The following CNBD1 variants were observed in gnomAD, a reference collection of about 807,000 sequenced individuals.
CNBD1 encodes cyclic nucleotide-binding domain-containing protein 1.
CNBD1 carries 71 observed loss-of-function variants against 54.4 expected under a neutral mutation model. The observed-to-expected ratio is 1.30, with a 90% CI of 1.08 to 1.59. The LOEUF (loss-of-function observed/expected upper bound fraction) is 1.59, where lower values mean the gene tolerates loss of function less well. Ranked by LOEUF, CNBD1 falls within the 40% of genes most tolerant of loss-of-function variation. The pLI is 0.00. For missense variants in CNBD1, 659 were observed against 518.0 expected, an observed-to-expected ratio of 1.27 and a Z score of -2.64; for synonymous variants, 182 against 170.7, an observed-to-expected ratio of 1.07 and a Z score of -0.51.
chr8:87,026,830 A>T (rs1418707860), intron 4 of CNBD1, among the ~76,000 whole-genome samples: 2 of 152,186 alleles, frequency 1.3e-5, no homozygotes, highest in Non-Finnish European at 2.9e-5. Flanking sequence ...AAACAACATT[A>T]AATTAGTCTC....
chr8:87,381,497 C>A (rs1396156989), intron 10 of CNBD1, among the ~76,000 whole-genome samples: 1 of 151,810 alleles, frequency 6.6e-6, no homozygotes. Flanking sequence ...AACAGTAGAC[C>A]ATATGATCTA....
At chr8:87,126,497 G>A (rs1811992368) in intron 4 of CNBD1, among the ~76,000 whole-genome samples, 1 of 151,784 alleles carries the variant, frequency 6.6e-6, no homozygotes, top group Non-Finnish European at 1.5e-5. Context: ...TTTTTAAACT[G>A]TTTTTTAAAT....
intron 4 of CNBD1, among the ~76,000 whole-genome samples, chr8:87,086,706 G>A (rs1345817482): frequency 6.6e-6 from 1 of 151,974 alleles, no homozygotes. Flanking sequence ...TTTAAATTAT[G>A]TGATTATTTA....
chr8:86,912,033 A>G (rs953582152), intron 3 of CNBD1, among the ~76,000 whole-genome samples: 19 of 152,160 alleles, frequency 1.2e-4, no homozygotes, highest in Admixed American at 2.0e-4. Context: ...TTAAAATGTC[A>G]GTATTACGCA....
intron 4 of CNBD1, among the ~76,000 whole-genome samples, chr8:87,089,192 G>GA (rs1308220860): frequency 6.6e-6 from 1 of 151,968 alleles, no homozygotes; most frequent in Non-Finnish European, 1.5e-5. Flanking sequence ...ATTAGAGATT[G>GA]AAAAAAGGGT....
chr8:87,317,589 T>G (rs1038950990), intron 8 of CNBD1, among the ~76,000 whole-genome samples: 1 of 151,934 alleles, frequency 6.6e-6, no homozygotes, highest in African/African-American at 2.4e-5. Context: ...TGAACTTAAT[T>G]CCATTTTGGC....
In CNBD1 at chr8:87,327,979, A is replaced by T. The variant is rs116800069; in HGVS notation, c.1043-23706A>T. Among the ~76,000 whole-genome samples, 958 of 150,524 alleles carry T rather than the reference A, an allele frequency of 6.4e-3. 9 individuals carry two copies. Among genetic ancestry groups the T allele is most frequent in the African/African-American group, 0.022 (897 of 40,986 alleles). On this transcript the variant is annotated intron_variant, in intron 8 of 10. Transcript: ENST00000518476. ...GTTGATATCCAGTTTTTCTTTTTTTAAAAGTTTAGTTTAATTTCTGGGATA... is the reference window on the plus strand; with the variant it reads ...GTTGATATCCAGTTTTTCTTTTTTTTAAAGTTTAGTTTAATTTCTGGGATA...
At chr8:87,168,852 C>A (rs1247078519) in intron 4 of CNBD1, among the ~76,000 whole-genome samples, 1 of 151,962 alleles carries the variant, frequency 6.6e-6, no homozygotes, top group Non-Finnish European at 1.5e-5. Context: ...TCAGTTGCTC[C>A]CTAATCTTGG....
intron 4 of CNBD1, among the ~76,000 whole-genome samples, chr8:87,086,144 T>G (rs189000496): frequency 7.2e-5 from 11 of 152,288 alleles, no homozygotes; most frequent in Admixed American, 7.2e-4. Flanking sequence ...TTCTTGAATC[T>G]GAGGCTCTGA....
At chr8:87,056,269 C>T (rs1341084493) in intron 4 of CNBD1, among the ~76,000 whole-genome samples, 3 of 152,132 alleles carry the variant, frequency 2.0e-5, no homozygotes, top group African/African-American at 7.2e-5. Context: ...CATGTGGCCC[C>T]ATATCAGGGC....
At chr8:87,006,881 C>T (rs1054596174) in intron 4 of CNBD1, among the ~76,000 whole-genome samples, 6 of 152,146 alleles carry the variant, frequency 3.9e-5, no homozygotes, top group South Asian at 4.1e-4. Context: ...TATGTTAGTA[C>T]GTAATTGAAC....
At position 87,424,064 on chromosome 8, in the gene CNBD1, A is replaced by G. The variant is rs571139754; in HGVS notation, c.214-4482A>G. Among the ~76,000 whole-genome samples the G allele has an allele frequency of 3.3e-5, 5 of 152,306 alleles. No individual in the cohort carries two copies. In the East Asian group the frequency reaches 7.7e-4, roughly 23 times the overall value. ...TCTAGATTTTCTAGTTTATTTGTGT[A>G]GAAGTGTTTGTAGTATTCTCTGATG... On this transcript the variant is annotated intron_variant, in intron 2 of 7. Coordinates refer to the CNBD1 transcript ENST00000521593.
chr8:87,012,171 A>C (rs1809237507), intron 4 of CNBD1, among the ~76,000 whole-genome samples: 1 of 152,144 alleles, frequency 6.6e-6, no homozygotes, highest in Non-Finnish European at 1.5e-5. Context: ...ATGAGTAGGA[A>C]ATTTTTGTCC....
chr8:86,939,835 G>A, intron 4 of CNBD1, 81 bp downstream of exon 4: 2 of 926,012 alleles, frequency 2.2e-6, no homozygotes, highest in Admixed American at 5.8e-5. Context: ...ATTGTTTGTG[G>A]GTAAGTGTAC....
chr8:87,255,307 C>A (rs1238086097), intron 6 of CNBD1, among the ~76,000 whole-genome samples: 1 of 151,908 alleles, frequency 6.6e-6, no homozygotes, highest in Non-Finnish European at 1.5e-5. Context: ...TGTAGAGGGT[C>A]CAGTAAATAA....
chr8:86,990,543 G>C (rs766970180), intron 4 of CNBD1, among the ~76,000 whole-genome samples: 1 of 152,044 alleles, frequency 6.6e-6, no homozygotes, highest in Non-Finnish European at 1.5e-5. Context: ...CTGTTTCATT[G>C]GTCTATGTGT....
chr8:87,294,630 T>G (rs531188208), intron 8 of CNBD1, among the ~76,000 whole-genome samples: 1 of 152,312 alleles, frequency 6.6e-6, no homozygotes, highest in East Asian at 1.9e-4. Context: ...ATGACTCATT[T>G]CATGTGTGGA....
At chr8:87,202,419 G>A (rs1254219337) in intron 4 of CNBD1, among the ~76,000 whole-genome samples, 1 of 152,172 alleles carries the variant, frequency 6.6e-6, no homozygotes, top group Non-Finnish European at 1.5e-5. Context: ...GCTGGAGAGA[G>A]AGAACGTGGA....
intron 1 of CNBD1, among the ~76,000 whole-genome samples, chr8:86,870,687 A>G (rs1036872364): frequency 6.6e-6 from 1 of 152,182 alleles, no homozygotes; most frequent in Non-Finnish European, 1.5e-5. Flanking sequence ...TGAATATTGT[A>G]CCATTTAAAA....
Sources: gnomAD v4.1 joint callset for allele counts (sites outside exome capture counted in the v4.1 genomes callset) on GRCh38, gnomAD v4.1.1 for gene constraint, MANE v1.5 for transcripts, NCBI Gene and HGNC (gene_info 2026-07-23, HGNC 2026-07-21) for gene names.